The following IGF2BP3 variants were observed in gnomAD, a reference collection of about 807,000 sequenced individuals.
IGF2BP3 encodes insulin-like growth factor 2 mRNA-binding protein 3.
A neutral mutation model predicts 73.8 loss-of-function variants in IGF2BP3; 9 were observed. That is an observed-to-expected ratio of 0.12 (90% CI 0.07 to 0.21). The LOEUF is 0.21. Among genes scored for constraint, IGF2BP3 ranks in the 10% least tolerant of loss-of-function variants. IGF2BP3 has a pLI of 1.00. For synonymous variants in IGF2BP3, 258 were observed against 256.7 expected (o/e 1.01, Z -0.05); for missense variants, 542 against 714.0 (o/e 0.76, Z 2.75).
chr7:23,451,758 G>A (rs1788203536), intron 2 of IGF2BP3, among the ~76,000 whole-genome samples: 1 of 151,872 alleles, frequency 6.6e-6, no homozygotes, highest in South Asian at 2.1e-4. Flanking sequence ...AGACCAGCCT[G>A]GCCAACGTAG....
rs557467066 is a variant in IGF2BP3 at position 23,412,842 on chromosome 7, C to CTTTTTTTTTTTTT, written c.285+5921_285+5933dup. ...GAAATCCTTTCCTTAAGACTCTGGC[C>CTTTTTTTTTTTTT]TTTTTTTTTTTTTTTTTTTTTTTTT... On this transcript the variant is annotated intron_variant, in intron 3 of 14. Transcript: ENST00000258729. Among the ~76,000 whole-genome samples the CTTTTTTTTTTTTT allele has an allele frequency of 8.1e-5, 3 of 37,014 alleles. 1 individual carries two copies. The highest frequency in any genetic ancestry group is 3.3e-4 in the African/African-American group (3 of 9,176). The allele number at this position is 37,014 out of a possible 152,430, so 24.3% of individuals were successfully genotyped here.
At position 23,420,091 on chromosome 7, in the gene IGF2BP3, G is replaced by C. The variant is rs1369783163; in HGVS notation, c.237-1267C>G. ...CATGCCAGTCACCTCCTTTGAAGGA[G>C]GAAGAATTTATAGTCAACTAGCTAT... On this transcript the variant is annotated intron_variant, in intron 2 of 14. Coordinates refer to ENST00000258729, the MANE Select transcript of IGF2BP3 (RefSeq NM_006547.3). Among the ~76,000 whole-genome samples, 44 of 152,154 alleles carry C rather than the reference G, an allele frequency of 2.9e-4. 1 individual carries two copies. The highest frequency in any genetic ancestry group is 2.9e-3 in the Admixed American group (44 of 15,276).
rs1788640127 is a variant in IGF2BP3 at position 23,469,069 on chromosome 7, G to A, written c.176-527C>T. ...GGGAGAACTGGCAGAGGCGCAGCTCGGCACAGGCTGAACCAGGCGCGAAGG... is the reference window on the plus strand; with the variant it reads ...GGGAGAACTGGCAGAGGCGCAGCTCAGCACAGGCTGAACCAGGCGCGAAGG... On this transcript the variant is annotated intron_variant, in intron 1 of 14. Transcript: ENST00000258729. The surrounding 1 kb of genome is among the most constrained non-coding windows in gnomAD (Gnocchi z 6.1). 6.6e-6 allele frequency among the ~76,000 whole-genome samples: 1 copy of A among 152,232 alleles called. No individual in the cohort carries two copies. The highest frequency in any genetic ancestry group is 6.5e-5 in the Admixed American group (1 of 15,290).
At chr7:23,337,170 C>T (rs1583903049) in intron 10 of IGF2BP3, among the ~76,000 whole-genome samples, 1 of 151,772 alleles carries the variant, frequency 6.6e-6, no homozygotes, top group African/African-American at 2.4e-5. Flanking sequence ...CACCCCCCAC[C>T]CCCTGCAACT....
chr7:23,408,913 A>G (rs1015938659), intron 3 of IGF2BP3, among the ~76,000 whole-genome samples: 2 of 152,214 alleles, frequency 1.3e-5, no homozygotes, highest in African/African-American at 4.8e-5. Flanking sequence ...GCGGTCCCCA[A>G]CTATTTTCGC....
intron 3 of IGF2BP3, among the ~76,000 whole-genome samples, chr7:23,372,280 G>T (rs573571114): frequency 6.6e-6 from 1 of 151,970 alleles, no homozygotes; most frequent in Non-Finnish European, 1.5e-5. Context: ...TCACTATGTT[G>T]GCCAGGCTGG....
chr7:23,416,478 C>G (rs1286199697), intron 3 of IGF2BP3, among the ~76,000 whole-genome samples: 2 of 152,154 alleles, frequency 1.3e-5, no homozygotes, highest in African/African-American at 4.8e-5. Context: ...TTTAATTTGT[C>G]ACTCTATCTT....
intron 2 of IGF2BP3, among the ~76,000 whole-genome samples, chr7:23,439,554 CA>C (rs11332929): frequency 0.023 from 1,288 of 56,692 alleles, 7 homozygotes; most frequent in African/African-American, 0.072. Flanking sequence ...GACTCCGTCT[CA>C]AAAAAAAAAA....
chr7:23,350,080 T>C (rs1261767339), intron 6 of IGF2BP3, among the ~76,000 whole-genome samples: 1 of 152,200 alleles, frequency 6.6e-6, no homozygotes, highest in African/African-American at 2.4e-5. Context: ...CAGATGCCAC[T>C]GCAGGGAGCA....
At chr7:23,449,300 G>A (rs1403856991) in intron 2 of IGF2BP3, among the ~76,000 whole-genome samples, 5 of 151,670 alleles carry the variant, frequency 3.3e-5, no homozygotes, top group African/African-American at 9.7e-5. Context: ...GGCAGATCAC[G>A]AAGTCAAGAG....
intron 2 of IGF2BP3, 93 bp from the exon 3 acceptor site, chr7:23,418,917 T>A: frequency 1.3e-6 from 1 of 775,490 alleles, no homozygotes; most frequent in Non-Finnish European, 2.1e-6. Flanking sequence ...CTTAAAATAT[T>A]AACTCTATAT....
chr7:23,345,897 A>G (rs190914150), intron 8 of IGF2BP3, 43 bp downstream of exon 8: 3 of 1,598,756 alleles, frequency 1.9e-6, no homozygotes, highest in African/African-American at 2.7e-5. Flanking sequence ...TGCAGCTTAC[A>G]GTGTTGGAAA....
At chr7:23,318,332 C>G (rs998651281) in intron 11 of IGF2BP3, among the ~76,000 whole-genome samples, 6 of 152,150 alleles carry the variant, frequency 3.9e-5, no homozygotes, top group African/African-American at 1.4e-4. Flanking sequence ...AAGTGTTCCT[C>G]CCACCTCAGC....
intron 2 of IGF2BP3, among the ~76,000 whole-genome samples, chr7:23,455,846 C>T (rs561209519): frequency 1.3e-5 from 2 of 152,240 alleles, no homozygotes; most frequent in Admixed American, 6.5e-5. Context: ...CCACAACGCC[C>T]GGATAATTTT....
At chr7:23,452,116 T>G (rs555934919) in intron 2 of IGF2BP3, among the ~76,000 whole-genome samples, 93 of 152,116 alleles carry the variant, frequency 6.1e-4, no homozygotes, top group Admixed American at 9.8e-4. Flanking sequence ...GCCATTCTCT[T>G]GCCTCAGCCT....
intron 2 of IGF2BP3, among the ~76,000 whole-genome samples, chr7:23,439,925 C>T (rs77701026): frequency 1.3e-5 from 2 of 152,188 alleles, no homozygotes; most frequent in Non-Finnish European, 2.9e-5. Flanking sequence ...CAAAAATTTA[C>T]AATGGCCCTT....
Position 23,468,562 on chromosome 7 carries a change from G to A in IGF2BP3, c.176-20C>T, listed in dbSNP as rs1788625755. The A allele has an allele frequency of 6.2e-7, 1 of 1,613,788 alleles. No individual in the cohort carries two copies. Among genetic ancestry groups the A allele is most frequent in the Non-Finnish European group, 8.5e-7 (1 of 1,179,642 alleles). ...TTTTACCTGCGGACACACAAGAAGT[G>A]AGACGGTCGGCCGAGTTCAGCGGCT... On this transcript the variant is annotated intron_variant, in intron 1 of 14. Coordinates refer to ENST00000258729, the MANE Select transcript of IGF2BP3 (RefSeq NM_006547.3).
intron 3 of IGF2BP3, among the ~76,000 whole-genome samples, chr7:23,374,901 T>A (rs1186461266): frequency 6.6e-6 from 1 of 152,150 alleles, no homozygotes; most frequent in Admixed American, 6.5e-5. Context: ...TAAATGTCCA[T>A]GAAATCTTCA....
intron 3 of IGF2BP3, among the ~76,000 whole-genome samples, chr7:23,396,705 G>GA (rs74798591): frequency 1.3e-5 from 2 of 151,892 alleles, no homozygotes; most frequent in Admixed American, 1.3e-4. Flanking sequence ...TGTTGGGGGG[G>GA]AAAAAAAAGA....
Sources: allele counts gnomAD v4.1 joint callset (sites outside exome capture counted in the v4.1 genomes callset), GRCh38; gene constraint gnomAD v4.1.1; non-coding constraint Gnocchi (gnomAD v3.1); transcripts MANE v1.5; gene names NCBI Gene and HGNC (gene_info 2026-07-23, HGNC 2026-07-21).